Variants in LSAMP observed in about 807,000 individuals in gnomAD.
LSAMP encodes the protein limbic system-associated membrane protein.
In LSAMP, 7 loss-of-function variants were observed where a neutral mutation model predicts 38.6. The observed-to-expected ratio is 0.18, with a 90% CI of 0.10 to 0.34. LSAMP has a LOEUF of 0.34. Among genes scored for constraint, LSAMP ranks in the 10% least tolerant of loss-of-function variants. LSAMP has a pLI of 1.00. For missense variants in LSAMP, 313 were observed against 420.0 expected (o/e 0.75, Z 2.23); for synonymous variants, 154 against 166.8 (o/e 0.92, Z 0.59).
intron 3 of LSAMP, among the ~76,000 whole-genome samples, chr3:115,868,444 C>T (rs542492854): frequency 6.6e-6 from 1 of 152,138 alleles, no homozygotes; most frequent in East Asian, 1.9e-4. Flanking sequence ...TATAAAGCAA[C>T]TTAAGGATGA....
At chr3:115,889,172 G>T (rs1332339242) in intron 3 of LSAMP, among the ~76,000 whole-genome samples, 1 of 151,978 alleles carries the variant, frequency 6.6e-6, no homozygotes, top group Non-Finnish European at 1.5e-5. Context: ...TGAGCCTGAA[G>T]ATGGGCAAGG....
chr3:116,349,711 C>T (rs2048111946), intron 1 of LSAMP, among the ~76,000 whole-genome samples: 1 of 151,788 alleles, frequency 6.6e-6, no homozygotes, highest in Admixed American at 6.6e-5. Flanking sequence ...ATATCTGGTG[C>T]TAAGTGTTAC....
chr3:116,272,050 G>C (rs899586744), intron 1 of LSAMP, among the ~76,000 whole-genome samples: 1 of 151,986 alleles, frequency 6.6e-6, no homozygotes, highest in Non-Finnish European at 1.5e-5. Flanking sequence ...TGTAAAGATG[G>C]AAGGAATTCT....
chr3:115,862,863 G>GT (rs1000478346), intron 3 of LSAMP, among the ~76,000 whole-genome samples: 2 of 152,210 alleles, frequency 1.3e-5, no homozygotes, highest in African/African-American at 4.8e-5. Context: ...ATGGATCACA[G>GT]TGGGAGTGGG....
At chr3:116,352,769 A>C (rs769834946) in intron 1 of LSAMP, among the ~76,000 whole-genome samples, 3 of 152,088 alleles carry the variant, frequency 2.0e-5, no homozygotes, top group African/African-American at 4.8e-5. Flanking sequence ...TATGTATTTC[A>C]CTTCAACAAG....
At chr3:116,404,830 C>G (rs1352449912) in intron 1 of LSAMP, among the ~76,000 whole-genome samples, 1 of 151,988 alleles carries the variant, frequency 6.6e-6, no homozygotes, top group African/African-American at 2.4e-5. Flanking sequence ...TAGAAATTTT[C>G]TTTCTCTTTT....
chr3:116,146,785 CAG>C (rs1247548764), intron 1 of LSAMP, among the ~76,000 whole-genome samples: 1 of 151,786 alleles, frequency 6.6e-6, no homozygotes, highest in Non-Finnish European at 1.5e-5. Flanking sequence ...TTCAAGGAAA[CAG>C]AATCATATCA....
chr3:115,816,477 A>G (rs1934021876), intron 6 of LSAMP: 1 of 442,418 alleles, frequency 2.3e-6, no homozygotes, highest in South Asian at 2.2e-5. Flanking sequence ...CACAATTTGG[A>G]AAAAACAGTG....
intron 3 of LSAMP, among the ~76,000 whole-genome samples, chr3:115,886,987 A>G (rs903018647): frequency 2.0e-5 from 3 of 152,062 alleles, no homozygotes; most frequent in South Asian, 2.1e-4. Flanking sequence ...CTATTCTCCC[A>G]TGACGGAGAC....
At chr3:116,010,425 C>T (rs902086498) in intron 3 of LSAMP, among the ~76,000 whole-genome samples, 2 of 152,124 alleles carry the variant, frequency 1.3e-5, no homozygotes, top group African/African-American at 4.8e-5. Flanking sequence ...GTGCCAGGCA[C>T]TACAATGGGA....
chr3:116,101,644 T>G (rs1487498973), intron 1 of LSAMP, among the ~76,000 whole-genome samples: 1 of 152,190 alleles, frequency 6.6e-6, no homozygotes, highest in East Asian at 1.9e-4. Context: ...CATTAGAACT[T>G]ATTTCCCTTA....
At chr3:116,406,353 T>C (rs2048897125) in intron 1 of LSAMP, among the ~76,000 whole-genome samples, 2 of 152,108 alleles carry the variant, frequency 1.3e-5, no homozygotes, top group Non-Finnish European at 2.9e-5. Context: ...CCAGTATAGC[T>C]TGGAATCAAT....
chr3:116,413,725 C>T (rs2049010739), intron 1 of LSAMP, among the ~76,000 whole-genome samples: 1 of 151,984 alleles, frequency 6.6e-6, no homozygotes, highest in Admixed American at 6.6e-5. Flanking sequence ...CAGAAAAAGT[C>T]TCAGATACCA....
At chr3:116,061,553 G>T (rs1941594989) in intron 2 of LSAMP, among the ~76,000 whole-genome samples, 1 of 152,110 alleles carries the variant, frequency 6.6e-6, no homozygotes, top group Non-Finnish European at 1.5e-5. Context: ...TACCAGGGAG[G>T]ATTTCTATGT....
intron 2 of LSAMP, among the ~76,000 whole-genome samples, chr3:116,050,691 T>C (rs1339063146): frequency 6.6e-6 from 1 of 152,190 alleles, no homozygotes; most frequent in Non-Finnish European, 1.5e-5. Context: ...AAGGTTTTAA[T>C]AGCAAAATAA....
Position 115,816,376 on chromosome 3 carries a change from G to C in LSAMP, c.920-5962C>G, listed in dbSNP as rs1934018097. 2.0e-5 allele frequency among the ~76,000 whole-genome samples: 3 copies of C among 152,160 alleles called. No individual in the cohort carries two copies. In the South Asian group the frequency reaches 6.2e-4, roughly 32 times the overall value. On this transcript the variant is annotated intron_variant, in intron 6 of 6. Coordinates refer to ENST00000490035, the MANE Select transcript of LSAMP (RefSeq NM_002338.5). ...CAGGGAGCAGCGCAAAGCATAACTTGCTGTGTTCCAGGGATTTAAAAATAA... is the reference window on the plus strand; with the variant it reads ...CAGGGAGCAGCGCAAAGCATAACTTCCTGTGTTCCAGGGATTTAAAAATAA...
chr3:115,926,095 A>T (rs765851598), intron 3 of LSAMP, among the ~76,000 whole-genome samples: 16 of 152,282 alleles, frequency 1.1e-4, no homozygotes, highest in Non-Finnish European at 2.4e-4. Context: ...GTTATGTGAG[A>T]TGTATGAAGA....
chr3:116,082,843 T>A (rs2864065), intron 2 of LSAMP, among the ~76,000 whole-genome samples: 25,843 of 151,794 alleles, frequency 0.17, 2,273 homozygotes, highest in African/African-American at 0.21. Flanking sequence ...TGATAAGAAC[T>A]TATGAACACA....
chr3:116,134,516 C>T (rs998006952), intron 1 of LSAMP, among the ~76,000 whole-genome samples: 1 of 152,196 alleles, frequency 6.6e-6, no homozygotes, highest in Non-Finnish European at 1.5e-5. Flanking sequence ...ATTCGGCCAA[C>T]CCATCCCCTT....
Sources: allele counts gnomAD v4.1 joint callset (sites outside exome capture counted in the v4.1 genomes callset), GRCh38; gene constraint gnomAD v4.1.1; transcripts MANE v1.5; gene names NCBI Gene and HGNC (gene_info 2026-07-23, HGNC 2026-07-21).